PSD3: variants seen among roughly 807,000 people sequenced by gnomAD.
PSD3 encodes the protein pleckstrin and Sec7 domain containing 3.
Under a neutral mutation model 105.5 loss-of-function variants are expected in PSD3, and 49 were observed. That is an observed-to-expected ratio of 0.46 (90% CI 0.37 to 0.59). PSD3 has a LOEUF of 0.59. Ranked by LOEUF, PSD3 falls within the 20% of genes least tolerant of loss-of-function variation. PSD3 has a pLI of 0.00. For missense variants in PSD3, 1,561 were observed against 1,263.8 expected (o/e 1.24, Z -3.57); for synonymous variants, 557 against 457.8 (o/e 1.22, Z -2.77).
chr8:18,870,075 C>G (rs1817222259), intron 3 of PSD3, among the ~76,000 whole-genome samples: 1 of 152,144 alleles, frequency 6.6e-6, no homozygotes. Context: ...GGAGGGAAGT[C>G]TGGAGAGCTG....
At chr8:18,757,739 G>C (rs1193911552) in intron 9 of PSD3, among the ~76,000 whole-genome samples, 1 of 152,082 alleles carries the variant, frequency 6.6e-6, no homozygotes, top group African/African-American at 2.4e-5. Flanking sequence ...CAAATATCCA[G>C]AGTAAAACAT....
chr8:18,823,814 A>ACC (rs869306691), intron 4 of PSD3, among the ~76,000 whole-genome samples: 5 of 149,102 alleles, frequency 3.4e-5, no homozygotes, highest in South Asian at 2.1e-4. Context: ...ACACACACAC[A>ACC]CCCCATTCCA....
Position 18,845,645 on chromosome 8 carries a change from T to C in PSD3, c.1634+22029A>G, listed in dbSNP as rs371361955. Among the ~76,000 whole-genome samples the C allele has an allele frequency of 8.9e-4, 136 of 152,128 alleles. 2 individuals are homozygous for C. The South Asian group carries it at 0.024, about 27-fold the overall frequency. ...GGCCTACTGCAGCATCAATTAGAAA[T>C]AGCAGAAGAGGGTGGGTGTGGTGGC... On this transcript the variant is annotated intron_variant, in intron 4 of 15. Coordinates refer to ENST00000327040, the MANE Select transcript of PSD3 (RefSeq NM_015310.4).
chr8:18,565,755 G>C (rs112834304), intron 14 of PSD3, among the ~76,000 whole-genome samples: 2 of 152,158 alleles, frequency 1.3e-5, no homozygotes, highest in Non-Finnish European at 2.9e-5. Flanking sequence ...AAGATAGCTG[G>C]TCTCACGGCT....
At chr8:19,012,829 C>T (rs1285095401) in intron 1 of PSD3, among the ~76,000 whole-genome samples, 1 of 152,184 alleles carries the variant, frequency 6.6e-6, no homozygotes, top group Non-Finnish European at 1.5e-5. Flanking sequence ...GAGCGGAAAT[C>T]CTGGATCCCG....
chr8:18,641,705 A>G (rs907011572), intron 10 of PSD3, among the ~76,000 whole-genome samples: 1 of 152,218 alleles, frequency 6.6e-6, no homozygotes, highest in Non-Finnish European at 1.5e-5. Flanking sequence ...GCAGTTTAAA[A>G]AATAAAGGTG....
intron 9 of PSD3, among the ~76,000 whole-genome samples, chr8:18,680,094 T>G (rs1487041098): frequency 6.6e-6 from 1 of 152,254 alleles, no homozygotes; most frequent in Non-Finnish European, 1.5e-5. Context: ...TTTATCAACA[T>G]GAACTTTTAC....
chr8:18,582,333 A>T (rs1585299752), intron 12 of PSD3, among the ~76,000 whole-genome samples: 2 of 152,226 alleles, frequency 1.3e-5, no homozygotes, highest in Non-Finnish European at 2.9e-5. Flanking sequence ...CCAATTCCCT[A>T]TCTTACCTTT....
chr8:18,791,023 T>C (rs1028478631), intron 8 of PSD3, among the ~76,000 whole-genome samples: 3 of 151,764 alleles, frequency 2.0e-5, no homozygotes, highest in Admixed American at 6.6e-5. Context: ...ACAAGGGAAA[T>C]GAAGGACCTC....
chr8:18,667,296 C>A (rs111847775), intron 9 of PSD3, among the ~76,000 whole-genome samples: 1 of 152,072 alleles, frequency 6.6e-6, no homozygotes. Flanking sequence ...AGACACAAAA[C>A]TTCTCCACCT....
intron 4 of PSD3, among the ~76,000 whole-genome samples, chr8:18,826,971 T>C (rs12548129): frequency 7.2e-5 from 11 of 152,174 alleles, no homozygotes; most frequent in Non-Finnish European, 1.2e-4. Context: ...TATCAGCTCA[T>C]ACCAAAGTGA....
rs1049057682 is a variant in PSD3 at position 18,532,843 on chromosome 8, A to G, written c.*2900T>C. ...GGGCCACCTGTATGGTCAATTTTGC[A>G]ACAACACTATGACCAAGGCATTCTG... On this transcript the variant is annotated 3_prime_UTR_variant, in exon 16 of 16. Transcript: ENST00000327040. The G allele has an allele frequency of 6.6e-6, 1 of 152,216 alleles. No homozygotes were observed. Among genetic ancestry groups the G allele is most frequent in the African/African-American group, 2.4e-5 (1 of 41,450 alleles). 9.4% of individuals were successfully genotyped at this position (152,216 alleles called of 1,614,324 possible).
In PSD3 at chr8:19,083,661, C is replaced by G. The variant is rs1233412615; in HGVS notation, c.324+545G>C. On this transcript the variant is annotated intron_variant, in intron 1 of 1. Transcript: ENST00000521475. ...GGCTGTGCTCCGGTTCTGGAAACCT[C>G]CACAGCTCCCTGGAGCCTCCCCCAT... 2.0e-5 allele frequency among the ~76,000 whole-genome samples: 3 copies of G among 150,146 alleles called. No homozygotes were observed. The East Asian group carries it at 5.8e-4, about 29-fold the overall frequency.
At chr8:18,705,239 G>C (rs899750302) in intron 9 of PSD3, among the ~76,000 whole-genome samples, 1 of 152,058 alleles carries the variant, frequency 6.6e-6, no homozygotes, top group African/African-American at 2.4e-5. Context: ...CTAAAAATGA[G>C]GGACTAGGCC....
chr8:19,007,273 A>T (rs1486829102), intron 1 of PSD3, among the ~76,000 whole-genome samples: 1 of 151,838 alleles, frequency 6.6e-6, no homozygotes, highest in Non-Finnish European at 1.5e-5. Flanking sequence ...ATAGAGAGAG[A>T]GTGAGAAATG....
chr8:18,814,701 T>A (rs1357122452), intron 4 of PSD3, among the ~76,000 whole-genome samples: 1 of 152,228 alleles, frequency 6.6e-6, no homozygotes, highest in Non-Finnish European at 1.5e-5. Flanking sequence ...ATTGTTTGCA[T>A]AGAAGCTTCT....
chr8:18,863,751 A>G (rs1451174710), intron 4 of PSD3, among the ~76,000 whole-genome samples: 1 of 152,118 alleles, frequency 6.6e-6, no homozygotes. Context: ...ACAAATAGAC[A>G]CGCACTCAAA....
chr8:18,945,399 T>C (rs1822797532), intron 1 of PSD3, among the ~76,000 whole-genome samples: 1 of 152,098 alleles, frequency 6.6e-6, no homozygotes, highest in South Asian at 2.1e-4. Flanking sequence ...GCTTTGAAGA[T>C]GGAGGAAGGG....
At chr8:18,698,344 C>G (rs111587676) in intron 9 of PSD3, among the ~76,000 whole-genome samples, 10,085 of 152,072 alleles carry the variant, frequency 0.066, 1,113 homozygotes, top group African/African-American at 0.23. Flanking sequence ...GTCTCTAACT[C>G]CTGGGCTCAA....
Sources: allele counts gnomAD v4.1 joint callset (sites outside exome capture counted in the v4.1 genomes callset), GRCh38; gene constraint gnomAD v4.1.1; transcripts MANE v1.5; gene names NCBI Gene and HGNC (gene_info 2026-07-23, HGNC 2026-07-21).